EPHB1: variants seen among roughly 807,000 people sequenced by gnomAD.
The protein encoded by EPHB1 is ephrin type-B receptor 1.
In EPHB1, 30 loss-of-function variants were observed where a neutral mutation model predicts 94.4. The ratio of observed to expected loss-of-function variants is 0.32; its 90% CI spans 0.24 to 0.43. EPHB1 has a LOEUF of 0.43. EPHB1 is among the 20% of genes least tolerant of loss of function. The probability of loss-of-function intolerance (pLI) is 1.00; values close to 1 mark genes in which losing one functional copy is unlikely to be tolerated. For missense variants in EPHB1, 1,055 were observed against 1,308.3 expected, an observed-to-expected ratio of 0.81 and a Z score of 2.99; for synonymous variants, 522 against 489.1, an observed-to-expected ratio of 1.07 and a Z score of -0.89.
chr3:134,804,066 T>C (rs1430002752), intron 1 of EPHB1, among the ~76,000 whole-genome samples: 1 of 133,838 alleles, frequency 7.5e-6, no homozygotes, highest in East Asian at 2.3e-4. Flanking sequence ...TGGTCATTAT[T>C]GGCTATTTTT....
intron 15 of EPHB1, among the ~76,000 whole-genome samples, chr3:135,258,028 C>T (rs907403221): frequency 2.0e-5 from 3 of 152,176 alleles, no homozygotes. Context: ...ACTCCCTGAC[C>T]CCTTGCGCTT....
chr3:134,881,396 C>T (rs967716575), intron 1 of EPHB1, among the ~76,000 whole-genome samples: 1 of 152,046 alleles, frequency 6.6e-6, no homozygotes, highest in African/African-American at 2.4e-5. Flanking sequence ...AAGGAGAACC[C>T]GAGAAGCAGA....
At chr3:134,835,309 C>A (rs2036653308) in intron 1 of EPHB1, among the ~76,000 whole-genome samples, 1 of 152,124 alleles carries the variant, frequency 6.6e-6, no homozygotes, top group African/African-American at 2.4e-5. Flanking sequence ...CACTGGAGAC[C>A]CCTTGCCTGC....
intron 1 of EPHB1, among the ~76,000 whole-genome samples, chr3:134,888,828 T>A (rs2037909654): frequency 6.6e-6 from 1 of 152,178 alleles, no homozygotes; most frequent in Admixed American, 6.5e-5. Context: ...TGCTGGGCAC[T>A]GTTCTGGGAA....
chr3:135,254,726 C>A (rs1446132445), intron 15 of EPHB1, among the ~76,000 whole-genome samples: 1 of 152,020 alleles, frequency 6.6e-6, no homozygotes, highest in Non-Finnish European at 1.5e-5. Context: ...TGATGCTGGC[C>A]TCATAAAATG....
chr3:135,144,671 T>C (rs1162467364), intron 5 of EPHB1, among the ~76,000 whole-genome samples: 1 of 152,046 alleles, frequency 6.6e-6, no homozygotes, highest in Non-Finnish European at 1.5e-5. Flanking sequence ...CATTCCCCTT[T>C]GGCACGGAAC....
intron 4 of EPHB1, among the ~76,000 whole-genome samples, chr3:135,116,701 G>C (rs1378327019): frequency 1.4e-4 from 21 of 152,206 alleles, no homozygotes; most frequent in Non-Finnish European, 1.5e-5. Flanking sequence ...GTGGGCCCCT[G>C]TCTGTACACC....
At chr3:134,820,820 C>T (rs113943099) in intron 1 of EPHB1, among the ~76,000 whole-genome samples, 1,551 of 152,218 alleles carry the variant, frequency 0.01, 20 homozygotes, top group African/African-American at 0.035. Context: ...AAACCAGATA[C>T]GCTTTAAAAG....
chr3:135,106,308 T>C (rs1380059545), intron 3 of EPHB1, 140 bp from the exon 4 acceptor site: 1 of 906,294 alleles, frequency 1.1e-6, no homozygotes, highest in African/African-American at 1.7e-5. Flanking sequence ...ATGGGTTTCC[T>C]CAACCTTAGA....
At chr3:135,050,829 G>A (rs1002909935) in intron 3 of EPHB1, among the ~76,000 whole-genome samples, 3 of 152,028 alleles carry the variant, frequency 2.0e-5, no homozygotes, top group Non-Finnish European at 4.4e-5. Context: ...GATTTGGTAA[G>A]CTTCCTGAGG....
At chr3:134,974,227 TAC>T (rs1172818189) in intron 3 of EPHB1, among the ~76,000 whole-genome samples, 1 of 151,954 alleles carries the variant, frequency 6.6e-6, no homozygotes, top group Non-Finnish European at 1.5e-5. Flanking sequence ...CACACATACA[TAC>T]ACACACATGC....
At chr3:134,929,680 C>T (rs1192104152) in intron 2 of EPHB1, among the ~76,000 whole-genome samples, 10 of 152,104 alleles carry the variant, frequency 6.6e-5, no homozygotes, top group Non-Finnish European at 1.5e-4. Flanking sequence ...GGCTAAAGAA[C>T]AGATGTGATG....
At chr3:135,245,890 A>C (rs1943911810) in intron 13 of EPHB1, among the ~76,000 whole-genome samples, 1 of 151,742 alleles carries the variant, frequency 6.6e-6, no homozygotes, top group South Asian at 2.1e-4. Flanking sequence ...ATTGAGTTAC[A>C]TTCGGTCTAG....
At chr3:135,176,577 ACCT>A in intron 9 of EPHB1, among the ~76,000 whole-genome samples, 1 of 152,254 alleles carries the variant, frequency 6.6e-6, no homozygotes, top group East Asian at 1.9e-4. Context: ...AAAGCAGCAC[ACCT>A]CTCTTCGTCA....
chr3:135,060,912 C>A (rs562848386), intron 3 of EPHB1, among the ~76,000 whole-genome samples: 1 of 151,072 alleles, frequency 6.6e-6, no homozygotes, highest in Non-Finnish European at 1.5e-5. Flanking sequence ...TTTTTTGTAC[C>A]CATTCACCAT....
At chr3:135,033,407 A>G (rs1936548119) in intron 3 of EPHB1, among the ~76,000 whole-genome samples, 2 of 152,230 alleles carry the variant, frequency 1.3e-5, no homozygotes, top group African/African-American at 4.8e-5. Flanking sequence ...TCACACCTGT[A>G]GGAAACACAT....
intron 1 of EPHB1, among the ~76,000 whole-genome samples, chr3:134,833,052 G>T (rs897469334): frequency 2.6e-5 from 4 of 152,164 alleles, no homozygotes; most frequent in Non-Finnish European, 4.4e-5. Flanking sequence ...ATTTGCAGGT[G>T]GAAGTCTGAG....
At chr3:135,214,127 T>C (rs1943090012) in intron 12 of EPHB1, among the ~76,000 whole-genome samples, 4 of 152,206 alleles carry the variant, frequency 2.6e-5, no homozygotes, top group South Asian at 2.1e-4. Context: ...TCTCTTCTCA[T>C]GTCAGCTGAT....
At chr3:134,852,066 C>G (rs2036997141) in intron 1 of EPHB1, among the ~76,000 whole-genome samples, 1 of 152,190 alleles carries the variant, frequency 6.6e-6, no homozygotes, top group Admixed American at 6.5e-5. Flanking sequence ...CCATGTCCCT[C>G]CTGGCAGTCG....
Sources: allele counts gnomAD v4.1 joint callset (sites outside exome capture counted in the v4.1 genomes callset), GRCh38; gene constraint gnomAD v4.1.1; transcripts MANE v1.5; gene names NCBI Gene and HGNC (gene_info 2026-07-23, HGNC 2026-07-21).